DACH2: variants seen among roughly 807,000 people sequenced by gnomAD.
DACH2 encodes the protein dachshund family transcription factor 2, also known as dachshund homolog 2.
Under a neutral mutation model 35.8 loss-of-function variants are expected in DACH2, and 17 were observed. That is an observed-to-expected ratio of 0.48 (90% CI 0.33 to 0.71). DACH2 has a LOEUF of 0.71. Among genes scored for constraint, DACH2 ranks in the 30% least tolerant of loss-of-function variants. The pLI, the probability that DACH2 is intolerant of heterozygous loss-of-function variation, is 0.02. For synonymous variants in DACH2, 195 were observed against 177.3 expected, an observed-to-expected ratio of 1.10 and a Z score of -0.79; for missense variants, 469 against 472.7, an observed-to-expected ratio of 0.99 and a Z score of 0.07.
At chrX:86,579,980 G>T (rs988968809) in intron 3 of DACH2, among the ~76,000 whole-genome samples, 1 of 111,511 alleles carries the variant, frequency 9.0e-6, no homozygotes, top group Non-Finnish European at 1.9e-5. Flanking sequence ...ACCCAGAGGA[G>T]TTCGGTGGCC....
rs1264151644 is a variant in DACH2 at position 86,305,730 on chromosome X, C to T, written c.489-71094C>T. On this transcript the variant is annotated intron_variant, in intron 1 of 11. Transcript: ENST00000373125. ...ATAACAAAATCGAACAACTCGATAG[C>T]AGAAAAAAAAAACACCCTAAATAAT... Among the ~76,000 whole-genome samples the T allele has an allele frequency of 1.1e-4, 12 of 107,619 alleles. No homozygotes were observed. The East Asian group carries it at 3.5e-3, about 31-fold the overall frequency. The allele number at this position is 107,619 out of a possible 115,157, so 93.5% of individuals were successfully genotyped here.
intron 1 of DACH2, among the ~76,000 whole-genome samples, chrX:86,312,086 G>A (rs1371318051): frequency 8.9e-6 from 1 of 111,906 alleles, no homozygotes; most frequent in Non-Finnish European, 1.9e-5. Context: ...GGAATGGGTA[G>A]TAGAAGAAGG....
At chrX:86,363,794 T>C (rs1484937609) in intron 1 of DACH2, among the ~76,000 whole-genome samples, 12 of 111,831 alleles carry the variant, frequency 1.1e-4, no homozygotes, top group Admixed American at 8.6e-4. Context: ...GTACATATTA[T>C]GTTGAGCAGA....
At chrX:86,797,872 A>G (rs966950188) in intron 7 of DACH2, among the ~76,000 whole-genome samples, 6 of 111,710 alleles carry the variant, frequency 5.4e-5, no homozygotes, top group African/African-American at 1.9e-4. Context: ...ACATGTCTTA[A>G]TTGCTTCTTT....
At chrX:86,407,351 G>T (rs190009494) in intron 2 of DACH2, among the ~76,000 whole-genome samples, 40 of 111,659 alleles carry the variant, frequency 3.6e-4, no homozygotes, top group Admixed American at 1.9e-3. Flanking sequence ...TTTATGAGAA[G>T]ATATAATACA....
chrX:86,160,119 T>C, intron 1 of DACH2: 2 of 497,759 alleles, frequency 4.0e-6, no homozygotes, highest in East Asian at 3.9e-5. Context: ...TGCATTGTTA[T>C]CATTAACCAG....
intron 3 of DACH2, among the ~76,000 whole-genome samples, chrX:86,519,902 C>T (rs187644550): frequency 9.1e-6 from 1 of 110,460 alleles, no homozygotes; most frequent in East Asian, 2.9e-4. Context: ...TCTCAATTAC[C>T]TTGAGTTCAG....
At chrX:86,827,404 C>A (rs2042572366) in intron 11 of DACH2, among the ~76,000 whole-genome samples, 2 of 111,333 alleles carry the variant, frequency 1.8e-5, no homozygotes, top group East Asian at 5.7e-4. Flanking sequence ...AGAACATGCA[C>A]AAGGGGCTCA....
At chrX:86,333,728 T>A (rs750387833) in intron 1 of DACH2, among the ~76,000 whole-genome samples, 1 of 111,955 alleles carries the variant, frequency 8.9e-6, no homozygotes, top group South Asian at 3.7e-4. Flanking sequence ...TCATAATTAT[T>A]TTACAATTAA....
intron 1 of DACH2, among the ~76,000 whole-genome samples, chrX:86,324,307 G>T (rs1460955985): frequency 1.8e-5 from 2 of 111,787 alleles, no homozygotes; most frequent in African/African-American, 6.5e-5. Context: ...AATGGCTAGG[G>T]AGTTCCTTCC....
intron 3 of DACH2, among the ~76,000 whole-genome samples, chrX:86,645,174 A>G (rs183024955): frequency 2.4e-3 from 272 of 111,542 alleles, no homozygotes; most frequent in Non-Finnish European, 4.3e-3. Context: ...GCATCTGACA[A>G]AATTCTAATA....
chrX:86,201,474 G>A (rs1369176868), intron 1 of DACH2, among the ~76,000 whole-genome samples: 1 of 111,301 alleles, frequency 9.0e-6, no homozygotes, highest in Non-Finnish European at 1.9e-5. Context: ...GTCATTTTAT[G>A]CATTTAGTTA....
At chrX:86,470,954 C>T (rs1157074675) in intron 2 of DACH2, among the ~76,000 whole-genome samples, 1 of 110,653 alleles carries the variant, frequency 9.0e-6, no homozygotes, top group Non-Finnish European at 1.9e-5. Flanking sequence ...GCTCAACCCC[C>T]GAAAATATCA....
At chrX:86,655,804 A>G (rs1569461094) in intron 4 of DACH2, among the ~76,000 whole-genome samples, 1 of 111,674 alleles carries the variant, frequency 9.0e-6, no homozygotes, top group Admixed American at 9.6e-5. Context: ...AAGAACTGTG[A>G]CAATATAGAG....
At chrX:86,733,533 T>C (rs1408145261) in intron 6 of DACH2, among the ~76,000 whole-genome samples, 1 of 111,795 alleles carries the variant, frequency 8.9e-6, no homozygotes, top group Non-Finnish European at 1.9e-5. Flanking sequence ...TATTACTGAA[T>C]GTGGCAAAAT....
At chrX:86,246,808 G>C (rs992524512) in intron 1 of DACH2, among the ~76,000 whole-genome samples, 47 of 111,406 alleles carry the variant, frequency 4.2e-4, no homozygotes, top group African/African-American at 1.5e-3. Context: ...AGTGTGATAG[G>C]ATGAAGTCCA....
At chrX:86,237,336 C>A (rs959737733) in intron 1 of DACH2, among the ~76,000 whole-genome samples, 2 of 111,668 alleles carry the variant, frequency 1.8e-5, no homozygotes, top group Admixed American at 9.5e-5. Flanking sequence ...CATACATGAA[C>A]CAGTAACATA....
chrX:86,689,762 T>G (rs1480424693), intron 4 of DACH2, among the ~76,000 whole-genome samples: 1 of 112,134 alleles, frequency 8.9e-6, no homozygotes, highest in East Asian at 2.8e-4. Flanking sequence ...CAGCTTTTTA[T>G]AAACACTTCT....
chrX:86,404,682 T>C (rs2036494465), intron 2 of DACH2, among the ~76,000 whole-genome samples: 1 of 111,686 alleles, frequency 9.0e-6, no homozygotes, highest in Admixed American at 9.5e-5. Context: ...GATCTAACGT[T>C]CTGGGATCTG....
Sources: gnomAD v4.1 joint callset for allele counts (sites outside exome capture counted in the v4.1 genomes callset) on GRCh38, gnomAD v4.1.1 for gene constraint, MANE v1.5 for transcripts, NCBI Gene and HGNC (gene_info 2026-07-23, HGNC 2026-07-21) for gene names.